Variants in PTBP3 observed in about 807,000 individuals in gnomAD.
The protein encoded by PTBP3 is polypyrimidine tract binding protein 3.
PTBP3 carries 20 observed loss-of-function variants against 58.7 expected under a neutral mutation model. That is an observed-to-expected ratio of 0.34 (90% CI 0.24 to 0.50). PTBP3 has a LOEUF of 0.50. PTBP3 is among the 20% of genes least tolerant of loss of function. The pLI, the probability that PTBP3 is intolerant of heterozygous loss-of-function variation, is 0.98. For missense variants in PTBP3, 509 were observed against 637.2 expected (o/e 0.80, Z 2.17); for synonymous variants, 185 against 219.8 (o/e 0.84, Z 1.40).
At chr9:112,324,470 T>C (rs1377882057) in intron 1 of PTBP3, among the ~76,000 whole-genome samples, 2 of 152,108 alleles carry the variant, frequency 1.3e-5, no homozygotes, top group African/African-American at 2.4e-5. Flanking sequence ...CTGGCTAACA[T>C]GGTGAAACTC....
chr9:112,368,139 C>T, the PTBP3 span, among the ~76,000 whole-genome samples: 2 of 152,254 alleles, frequency 1.3e-5, no homozygotes, highest in East Asian at 3.9e-4. Flanking sequence ...GGACTACAGG[C>T]ATGCACCACC....
chr9:112,247,284 AAATAAATAAAT>A (rs1215739422), intron 7 of PTBP3, among the ~76,000 whole-genome samples: 1 of 145,580 alleles, frequency 6.9e-6, no homozygotes. Flanking sequence ...ATAAATAAAT[AAATAAATAAAT>A]AAATAAATAA....
chr9:112,241,383 G>C (rs1835655462), intron 7 of PTBP3, among the ~76,000 whole-genome samples: 1 of 152,082 alleles, frequency 6.6e-6, no homozygotes, highest in African/African-American at 2.4e-5. Context: ...GGATTACAGG[G>C]TGAGCCACCA....
chr9:112,364,445 G>T, the PTBP3 span, among the ~76,000 whole-genome samples: 5 of 152,042 alleles, frequency 3.3e-5, no homozygotes, highest in African/African-American at 1.2e-4. Context: ...GATCATTTGA[G>T]CCAGGAGTTC....
intron 9 of PTBP3, 132 bp downstream of exon 9, chr9:112,231,965 AAG>A (rs749591619): frequency 0.16 from 49,415 of 307,500 alleles, 3,941 homozygotes; most frequent in Admixed American, 0.23. Context: ...AAGAGAAGAG[AAG>A]AGAGAAGAGA....
chr9:112,238,387 A>G (rs1835516589), intron 7 of PTBP3, among the ~76,000 whole-genome samples: 1 of 152,016 alleles, frequency 6.6e-6, no homozygotes, highest in Admixed American at 6.6e-5. Context: ...AGGTCCTAAG[A>G]ATTATTCCAA....
chr9:112,233,828 G>A (rs1835342773), intron 8 of PTBP3, among the ~76,000 whole-genome samples: 1 of 152,108 alleles, frequency 6.6e-6, no homozygotes, highest in Non-Finnish European at 1.5e-5. Flanking sequence ...CTACTCAGAA[G>A]GCTGAGGCAT....
chr9:112,233,619 C>A (rs548945195), intron 8 of PTBP3, among the ~76,000 whole-genome samples: 111 of 151,986 alleles, frequency 7.3e-4, no homozygotes, highest in African/African-American at 2.6e-3. Flanking sequence ...CTGTTAACTC[C>A]ATCCTCTCCA....
At chr9:112,362,483 T>C in the PTBP3 span, among the ~76,000 whole-genome samples, 1 of 152,196 alleles carries the variant, frequency 6.6e-6, no homozygotes, top group South Asian at 2.1e-4. Flanking sequence ...GATAGTGTCC[T>C]GGGATGCACA....
chr9:112,339,289 T>TGAAA, the PTBP3 span, among the ~76,000 whole-genome samples: 2 of 21,236 alleles, frequency 9.4e-5, no homozygotes, highest in Admixed American at 1.6e-3. Flanking sequence ...AGACTCTGTC[T>TGAAA]CAAAAAAAAA....
intron 9 of PTBP3, 133 bp downstream of exon 9, chr9:112,231,966 A>AGAGAGGAGAG: frequency 1.1e-5 from 2 of 180,164 alleles, no homozygotes; most frequent in Non-Finnish European, 1.9e-5. Context: ...AGAGAAGAGA[A>AGAGAGGAGAG]GAGAGAAGAG....
At chr9:112,305,260 CTT>C (rs35187927) in intron 1 of PTBP3, among the ~76,000 whole-genome samples, 2,298 of 130,112 alleles carry the variant, frequency 0.018, 39 homozygotes, top group South Asian at 0.067. Context: ...CCTGAAAGGA[CTT>C]TTTTTTTTTT....
At chr9:112,290,690 ATATAT>A (rs1828365407) in intron 2 of PTBP3, among the ~76,000 whole-genome samples, 2 of 88,620 alleles carry the variant, frequency 2.3e-5, no homozygotes, top group African/African-American at 4.5e-5. Flanking sequence ...AAAAAAAAAT[ATATAT>A]ATATATATAT....
At chr9:112,368,383 T>C in the PTBP3 span, among the ~76,000 whole-genome samples, 2 of 152,026 alleles carry the variant, frequency 1.3e-5, no homozygotes, top group African/African-American at 4.8e-5. Context: ...GTTGGCCAGG[T>C]TGGTCTCGAA....
At chr9:112,246,553 C>T (rs575759439) in intron 7 of PTBP3, among the ~76,000 whole-genome samples, 111 of 151,644 alleles carry the variant, frequency 7.3e-4, no homozygotes, top group Admixed American at 2.6e-3. Flanking sequence ...ATTAGCCGGG[C>T]ATAGTGGCGG....
Position 112,332,839 on chromosome 9 carries a change from T to C in PTBP3, c.-52+631A>G, listed in dbSNP as rs749835438. ...GAGAGAGAAAGGTGAGGGGGAAGCG[T>C]CCATGGTCACTAAGTCCAGACCCCT... On this transcript the variant is annotated intron_variant, in intron 1 of 13. Coordinates refer to ENST00000374257, the MANE Select transcript of PTBP3 (RefSeq NM_001163788.4). 1.9e-6 allele frequency: 3 copies of C among 1,612,434 alleles called. No individual in the cohort carries two copies. In the South Asian group the frequency reaches 3.3e-5, roughly 18 times the overall value.
chr9:112,247,440 T>C (rs982347705), intron 7 of PTBP3, among the ~76,000 whole-genome samples: 1 of 151,326 alleles, frequency 6.6e-6, no homozygotes, highest in African/African-American at 2.4e-5. Context: ...ATAAAAGACA[T>C]TATTTTCACA....
intron 1 of PTBP3, among the ~76,000 whole-genome samples, chr9:112,330,193 A>C (rs532240286): frequency 7.7e-4 from 118 of 152,318 alleles, no homozygotes; most frequent in African/African-American, 2.8e-3. Context: ...CAAAGCAAAC[A>C]AAAAGCATCC....
At position 112,220,895 on chromosome 9, in the gene PTBP3, T is replaced by C; in HGVS notation, c.*2956A>G. Reference sequence around the variant, plus strand: ...AAATAAAATAAACTTAAAAATAGGATACTACGGTAGATCAACAGAGAAAAA... The same window carrying C: ...AAATAAAATAAACTTAAAAATAGGACACTACGGTAGATCAACAGAGAAAAA... On this transcript the variant is annotated 3_prime_UTR_variant, in exon 14 of 14. Coordinates refer to ENST00000374257, the MANE Select transcript of PTBP3 (RefSeq NM_001163788.4). 2.1e-6 allele frequency: 2 copies of C among 969,852 alleles called. No individual in the cohort carries two copies. The highest frequency in any genetic ancestry group is 2.5e-6 in the Non-Finnish European group (2 of 815,822). 60.1% of individuals were successfully genotyped at this position (969,852 alleles called of 1,614,324 possible). A position where few individuals can be genotyped will look rare whatever the true frequency, so the allele number is the denominator to read the frequency against.
Sources: gnomAD v4.1 joint callset for allele counts (sites outside exome capture counted in the v4.1 genomes callset) on GRCh38, gnomAD v4.1.1 for gene constraint, MANE v1.5 for transcripts, NCBI Gene and HGNC (gene_info 2026-07-23, HGNC 2026-07-21) for gene names.